The following AP3S1 variants were observed in gnomAD, a reference collection of about 807,000 sequenced individuals.
The protein encoded by AP3S1 is adaptor related protein complex 3 subunit sigma 1.
AP3S1 carries 12 observed loss-of-function variants against 21.3 expected under a neutral mutation model. The observed-to-expected ratio is 0.56, with a 90% CI of 0.36 to 0.91. The LOEUF (loss-of-function observed/expected upper bound fraction) is 0.91, where lower values mean the gene tolerates loss of function less well. AP3S1 is among the 40% of genes least tolerant of loss of function. The pLI is 0.01. For synonymous variants in AP3S1, 48 were observed against 78.4 expected, an observed-to-expected ratio of 0.61 and a Z score of 2.05; for missense variants, 116 against 225.0, an observed-to-expected ratio of 0.52 and a Z score of 3.10.
At chr5:115,891,692 G>A (rs547600075) in intron 3 of AP3S1, among the ~76,000 whole-genome samples, 3 of 152,250 alleles carry the variant, frequency 2.0e-5, no homozygotes, top group Non-Finnish European at 4.4e-5. Context: ...CTGCCTCGTG[G>A]AGTTATGAGA....
intron 1 of AP3S1, among the ~76,000 whole-genome samples, chr5:115,852,732 T>C (rs1181623568): frequency 6.6e-6 from 1 of 152,184 alleles, no homozygotes; most frequent in African/African-American, 2.4e-5. Flanking sequence ...AGTCTTGTGA[T>C]TGGCTTCTTT....
At chr5:115,882,386 G>A (rs1580695277) in intron 3 of AP3S1, among the ~76,000 whole-genome samples, 1 of 152,246 alleles carries the variant, frequency 6.6e-6, no homozygotes, top group African/African-American at 2.4e-5. Context: ...TGGAGTTTTT[G>A]TGTGGACATC....
intron 3 of AP3S1, among the ~76,000 whole-genome samples, chr5:115,886,124 T>C (rs575024798): frequency 2.1e-4 from 31 of 150,668 alleles, no homozygotes; most frequent in Admixed American, 5.3e-4. Flanking sequence ...TTTAGATTAC[T>C]CTTCTGCAAA....
Position 115,871,324 on chromosome 5 carries a change from G to A in AP3S1, c.273+1196G>A, listed in dbSNP as rs149260661. 2.2e-3 allele frequency among the ~76,000 whole-genome samples: 334 copies of A among 152,260 alleles called. 1 individual carries two copies. The highest frequency in any genetic ancestry group is 7.9e-3 in the African/African-American group (327 of 41,542). On this transcript the variant is annotated intron_variant, in intron 3 of 5. Coordinates refer to ENST00000316788, the MANE Select transcript of AP3S1 (RefSeq NM_001284.4). ...CCTGGCATTCATTCCAGTACTGCTT[G>A]TTTTGTAATTCTTGGTGATTCCATT...
At chr5:115,849,899 A>G (rs1762316945) in intron 1 of AP3S1, among the ~76,000 whole-genome samples, 1 of 152,134 alleles carries the variant, frequency 6.6e-6, no homozygotes, top group Non-Finnish European at 1.5e-5. Context: ...TCTTCTAAAA[A>G]AAAAACAAAA....
chr5:115,885,347 A>G (rs1357838850), intron 3 of AP3S1, among the ~76,000 whole-genome samples: 1 of 152,176 alleles, frequency 6.6e-6, no homozygotes, highest in Non-Finnish European at 1.5e-5. Flanking sequence ...CCTCAAAAAC[A>G]GGGAAGCCAA....
In AP3S1 at chr5:115,865,193, A is replaced by G. The variant is rs538542943; in HGVS notation, c.70-1477A>G. Among the ~76,000 whole-genome samples the G allele has an allele frequency of 2.0e-5, 3 of 152,250 alleles. No individual in the cohort carries two copies. The East Asian group carries it at 5.8e-4, about 29-fold the overall frequency. ...CCTCTGCTTCTTCAGCCTACTTAAC[A>G]TGAAGACAAAGAGGAAGCCTTTTTG... On this transcript the variant is annotated intron_variant, in intron 1 of 5. Transcript: ENST00000316788.
At chr5:115,878,949 CT>C (rs1286667405) in intron 3 of AP3S1, among the ~76,000 whole-genome samples, 3 of 152,050 alleles carry the variant, frequency 2.0e-5, no homozygotes, top group African/African-American at 7.2e-5. Context: ...ATTTTATTCT[CT>C]TTGTAGCAAT....
intron 1 of AP3S1, among the ~76,000 whole-genome samples, chr5:115,846,858 T>C (rs1762102818): frequency 1.3e-5 from 2 of 152,196 alleles, no homozygotes; most frequent in Admixed American, 6.5e-5. Context: ...TTATAATGCG[T>C]TTGTCTGCAT....
intron 4 of AP3S1, 147 bp from the exon 5 acceptor site, chr5:115,902,738 A>C: frequency 1.9e-6 from 1 of 538,514 alleles, no homozygotes; most frequent in South Asian, 2.2e-5. Flanking sequence ...AGTAGTGATG[A>C]AAGTGGATTA....
chr5:115,856,443 T>A (rs1011036233), intron 1 of AP3S1, among the ~76,000 whole-genome samples: 1 of 152,002 alleles, frequency 6.6e-6, no homozygotes, highest in Admixed American at 6.6e-5. Flanking sequence ...TTTTTTTTTT[T>A]TTTTCTAGAG....
chr5:115,906,670 G>T (rs765063314), intron 5 of AP3S1, among the ~76,000 whole-genome samples: 1 of 151,734 alleles, frequency 6.6e-6, no homozygotes, highest in Non-Finnish European at 1.5e-5. Context: ...GAGGGGTGGG[G>T]TTGGGGAGAT....
intron 5 of AP3S1, among the ~76,000 whole-genome samples, chr5:115,904,819 A>T (rs192605562): frequency 6.6e-6 from 1 of 151,442 alleles, no homozygotes; most frequent in Non-Finnish European, 1.5e-5. Flanking sequence ...GCAAAACTGT[A>T]TGGTTATAGA....
chr5:115,897,771 C>T (rs945031753), intron 4 of AP3S1, among the ~76,000 whole-genome samples: 1 of 151,810 alleles, frequency 6.6e-6, no homozygotes, highest in African/African-American at 2.4e-5. Context: ...ACGGTGTTAG[C>T]CAGGATGGTC....
At chr5:115,846,940 A>G (rs1561467646) in intron 1 of AP3S1, among the ~76,000 whole-genome samples, 1 of 152,242 alleles carries the variant, frequency 6.6e-6, no homozygotes, top group African/African-American at 2.4e-5. Flanking sequence ...GGAAGTGCAG[A>G]GTAGTAGACC....
At chr5:115,865,856 T>C (rs1458220150) in intron 1 of AP3S1, among the ~76,000 whole-genome samples, 2 of 152,218 alleles carry the variant, frequency 1.3e-5, no homozygotes, top group Non-Finnish European at 2.9e-5. Flanking sequence ...TGGAGTGCAG[T>C]GGCGCGATCT....
rs371793402 is a variant in AP3S1, at chr5:115,897,037, A to C, written c.345+1879A>C. ...TCCATACATGACACAAAATGTTTTT[A>C]AAACTTCTATTTCTCATTAGTATGC... is the stretch of plus-strand genomic sequence containing the variant. On this transcript the variant is annotated intron_variant, in intron 4 of 5. Transcript: ENST00000316788. Among the ~76,000 whole-genome samples the C allele has an allele frequency of 2.2e-4, 33 of 152,342 alleles. No homozygotes were observed. The South Asian group carries it at 6.6e-3, about 31-fold the overall frequency.
At chr5:115,891,989 A>G (rs1258516906) in intron 3 of AP3S1, among the ~76,000 whole-genome samples, 1 of 152,194 alleles carries the variant, frequency 6.6e-6, no homozygotes, top group Non-Finnish European at 1.5e-5. Flanking sequence ...AATTTAACCA[A>G]AAAATGGGCA....
At chr5:115,844,719 G>A (rs152398) in intron 1 of AP3S1, among the ~76,000 whole-genome samples, 49,045 of 151,952 alleles carry the variant, frequency 0.32, 8,379 homozygotes, top group South Asian at 0.46. Flanking sequence ...CTTGTTCTAG[G>A]CCCAGCACAA....
Sources: gnomAD v4.1 joint callset for allele counts (sites outside exome capture counted in the v4.1 genomes callset) on GRCh38, gnomAD v4.1.1 for gene constraint, MANE v1.5 for transcripts, NCBI Gene and HGNC (gene_info 2026-07-23, HGNC 2026-07-21) for gene names.